Variants in NOX4 observed in about 807,000 individuals in gnomAD.
The protein encoded by NOX4 is kidney oxidase-1.
Under a neutral mutation model 87.6 loss-of-function variants are expected in NOX4, and 69 were observed. That is an observed-to-expected ratio of 0.79 (90% CI 0.65 to 0.96). The LOEUF (loss-of-function observed/expected upper bound fraction) is 0.96. Ranked by LOEUF, NOX4 falls within the 40% of genes least tolerant of loss-of-function variation. The pLI is 0.00. For synonymous variants in NOX4, 275 were observed against 238.2 expected, an observed-to-expected ratio of 1.15 and a Z score of -1.42; for missense variants, 680 against 681.5, an observed-to-expected ratio of 1.00 and a Z score of 0.02.
At chr11:89,552,819 TATC>T in the NOX4 span, among the ~76,000 whole-genome samples, 2 of 133,184 alleles carry the variant, frequency 1.5e-5, no homozygotes, top group Non-Finnish European at 3.2e-5. Context: ...GGACAAACTT[TATC>T]AAGTAACTTA....
intron 2 of NOX4, among the ~76,000 whole-genome samples, chr11:89,476,802 A>G (rs1028108080): frequency 6.6e-6 from 1 of 152,248 alleles, no homozygotes; most frequent in African/African-American, 2.4e-5. Flanking sequence ...GTAGCAAGAA[A>G]CAAAAGAAGC....
intron 4 of NOX4, 106 bp downstream of exon 4, chr11:89,449,334 A>C: frequency 5.3e-6 from 4 of 748,734 alleles, no homozygotes; most frequent in Non-Finnish European, 8.4e-6. Context: ...GTTCTGGAAG[A>C]ATAAGATTAG....
chr11:89,541,651 T>G, the NOX4 span, among the ~76,000 whole-genome samples: 2 of 152,158 alleles, frequency 1.3e-5, no homozygotes, highest in Non-Finnish European at 2.9e-5. Flanking sequence ...GAAATGAACA[T>G]TTAATATCAA....
the NOX4 span, among the ~76,000 whole-genome samples, chr11:89,508,250 C>T: frequency 1.3e-5 from 2 of 152,002 alleles, no homozygotes; most frequent in Non-Finnish European, 2.9e-5. Flanking sequence ...CCCAAAGCAC[C>T]GCACTCAGGA....
At chr11:89,491,398 G>T (rs536382639), upstream of NOX4, 15 of 684,996 alleles carry the variant, frequency 2.2e-5, no homozygotes, top group South Asian at 2.4e-4. Context: ...GCCCGGCGCC[G>T]AGCCAGCCCG....
At chr11:89,535,260 C>T in the NOX4 span, among the ~76,000 whole-genome samples, 1 of 152,224 alleles carries the variant, frequency 6.6e-6, no homozygotes, top group Admixed American at 6.5e-5. Context: ...TGTGATTACA[C>T]TTAATATTCT....
chr11:89,520,727 C>T, the NOX4 span, among the ~76,000 whole-genome samples: 1 of 152,004 alleles, frequency 6.6e-6, no homozygotes, highest in Admixed American at 6.6e-5. Context: ...GAAATAAAAT[C>T]ATCCAAATAG....
the NOX4 span, among the ~76,000 whole-genome samples, chr11:89,543,574 G>T: frequency 1.7e-4 from 26 of 152,222 alleles, no homozygotes; most frequent in Non-Finnish European, 3.2e-4. Context: ...GAGGAAAAGT[G>T]ATAGAATGAT....
At chr11:89,457,088 C>G (rs1010844462) in intron 2 of NOX4, among the ~76,000 whole-genome samples, 2 of 152,144 alleles carry the variant, frequency 1.3e-5, no homozygotes, top group Admixed American at 6.6e-5. Context: ...TTGAAGAGCT[C>G]CAGTAGACCA....
chr11:89,581,017 A>G, the NOX4 span, among the ~76,000 whole-genome samples: 2 of 152,232 alleles, frequency 1.3e-5, no homozygotes, highest in African/African-American at 4.8e-5. Context: ...TTAGGTTGAA[A>G]GAAATTCCTT....
intron 8 of NOX4, among the ~76,000 whole-genome samples, chr11:89,407,660 G>C (rs960442733): frequency 7.7e-4 from 117 of 151,674 alleles, no homozygotes; most frequent in African/African-American, 2.8e-3. Flanking sequence ...TTTGCTTTCT[G>C]TTTGTTTCTT....
chr11:89,512,168 G>A, the NOX4 span, among the ~76,000 whole-genome samples: 2 of 152,102 alleles, frequency 1.3e-5, no homozygotes, highest in African/African-American at 2.4e-5. Flanking sequence ...ATTTTAAAGA[G>A]TTTGGACATA....
the NOX4 span, among the ~76,000 whole-genome samples, chr11:89,546,046 T>C: frequency 6.6e-6 from 1 of 152,226 alleles, no homozygotes; most frequent in Non-Finnish European, 1.5e-5. Flanking sequence ...TTTCTCTGCA[T>C]TTTAAGCATT....
chr11:89,495,140 G>T (rs1328975725), upstream of NOX4, among the ~76,000 whole-genome samples: 1 of 151,910 alleles, frequency 6.6e-6, no homozygotes, highest in Non-Finnish European at 1.5e-5. Flanking sequence ...TGTTTGTTTG[G>T]TTTTGTTTTT....
chr11:89,438,639 T>A (rs1944234716), intron 6 of NOX4, among the ~76,000 whole-genome samples: 1 of 80,554 alleles, frequency 1.2e-5, no homozygotes, highest in Non-Finnish European at 2.1e-5. Context: ...ATACTATATA[T>A]AATACTCTAT....
At chr11:89,489,742 A>G (rs1313210187) in intron 2 of NOX4, among the ~76,000 whole-genome samples, 1 of 145,532 alleles carries the variant, frequency 6.9e-6, no homozygotes, top group Non-Finnish European at 1.5e-5. Context: ...AAAAAAAAAG[A>G]AAGAAAGAAA....
At chr11:89,470,933 G>T (rs1945909655) in intron 2 of NOX4, among the ~76,000 whole-genome samples, 1 of 152,030 alleles carries the variant, frequency 6.6e-6, no homozygotes, top group Non-Finnish European at 1.5e-5. Flanking sequence ...CCTTCTATTT[G>T]TATTGGCATT....
intron 8 of NOX4, among the ~76,000 whole-genome samples, chr11:89,414,021 T>C (rs1200509646): frequency 6.6e-6 from 1 of 152,070 alleles, no homozygotes; most frequent in African/African-American, 2.4e-5. Context: ...CAATTTTATG[T>C]ATGATAGCTA....
chr11:89,402,869 A>G (rs1226332026), intron 8 of NOX4, among the ~76,000 whole-genome samples: 1 of 152,164 alleles, frequency 6.6e-6, no homozygotes, highest in Non-Finnish European at 1.5e-5. Context: ...CATTCATACA[A>G]TCACATACAA....
Sources: allele counts gnomAD v4.1 joint callset (sites outside exome capture counted in the v4.1 genomes callset), GRCh38; gene constraint gnomAD v4.1.1; transcripts MANE v1.5; gene names NCBI Gene and HGNC (gene_info 2026-07-23, HGNC 2026-07-21).